ATP7A: variants seen among roughly 807,000 people sequenced by gnomAD.
The protein encoded by ATP7A is ATPase copper transporting alpha.
ATP7A carries 7 observed loss-of-function variants against 83.5 expected under a neutral mutation model. The observed-to-expected ratio is 0.08, with a 90% CI of 0.05 to 0.16. The LOEUF (loss-of-function observed/expected upper bound fraction) is 0.16. ATP7A is among the 10% of genes least tolerant of loss of function. The probability of loss-of-function intolerance (pLI) is 1.00; values close to 1 mark genes in which losing one functional copy is unlikely to be tolerated. For synonymous variants in ATP7A, 354 were observed against 395.2 expected (o/e 0.90, Z 1.24); for missense variants, 940 against 1,120.8 (o/e 0.84, Z 2.30).
At position 78,043,451 on chromosome X, in the gene ATP7A, T is replaced by G. The variant is rs375335733; in HGVS notation, c.4123+17T>G. 9.9e-6 allele frequency: 11 copies of G among 1,113,213 alleles called. No homozygotes were observed. The African/African-American group carries it at 1.8e-4, about 18-fold the overall frequency. 91.7% of individuals were successfully genotyped at this position (1,113,213 alleles called of 1,213,427 possible). Reference sequence around the variant, plus strand: ...TAGCTGCTGGTATGTGACTCTTAACTAGTACTGCTTTTTCCACTAAAGTTA... The same window carrying G: ...TAGCTGCTGGTATGTGACTCTTAACGAGTACTGCTTTTTCCACTAAAGTTA... On this transcript the variant is annotated intron_variant, in intron 21 of 22. Coordinates refer to ENST00000341514, the MANE Select transcript of ATP7A (RefSeq NM_000052.7).
At position 77,998,504 on chromosome X, in the gene ATP7A, G is replaced by A; in HGVS notation, c.1363G>A (p.Ala455Thr). The change falls in exon 5 of 23, where the codon GCT becomes ACT. Residue 455 changes from alanine (A) to threonine (T), a missense_variant. By Grantham distance (58) the Ala-to-Thr change is moderately conservative. Around this residue, in one of 3 missense-constraint regions of ATP7A, gnomAD observed 350 missense variants for 432.8 expected, o/e 0.81. Coordinates refer to ENST00000341514, the MANE Select transcript of ATP7A (RefSeq NM_000052.7). Reference sequence around the variant, plus strand: ...CACGAATGAGCCGTTGGTAGTAATAGCTCAGCCTTCATCGGAAATGCCGCT... The same window carrying A: ...CACGAATGAGCCGTTGGTAGTAATAACTCAGCCTTCATCGGAAATGCCGCT... The part of the protein sequence containing the change: ...SDTNEPLVVI[A>T]QPSSEMPLLT... The A allele has an allele frequency of 8.3e-7, 1 of 1,211,805 alleles. No individual in the cohort carries two copies. Among genetic ancestry groups the A allele is most frequent in the South Asian group, 1.8e-5 (1 of 57,017 alleles).
At chrX:77,937,887 T>TCA (rs782049494) in intron 1 of ATP7A, among the ~76,000 whole-genome samples, 4,905 of 100,919 alleles carry the variant, frequency 0.049, 132 homozygotes, top group East Asian at 0.11. Context: ...TCTCTCTCTC[T>TCA]CACACACACA....
At chrX:78,013,170 T>A (rs2077839289) in intron 10 of ATP7A, 58 bp downstream of exon 10, 3 of 1,016,493 alleles carry the variant, frequency 3.0e-6, no homozygotes, top group Non-Finnish European at 2.8e-6. Flanking sequence ...GACCTTAGTA[T>A]TTTTTAGGCC....
chrX:77,925,422 G>T (rs1201496991), intron 1 of ATP7A, among the ~76,000 whole-genome samples: 1 of 111,186 alleles, frequency 9.0e-6, no homozygotes, highest in Non-Finnish European at 1.9e-5. Flanking sequence ...CGTGTATAGG[G>T]TTGGTAGTAT....
intron 6 of ATP7A, among the ~76,000 whole-genome samples, chrX:78,006,735 A>G (rs2077778317): frequency 8.9e-6 from 1 of 112,232 alleles, no homozygotes; most frequent in Admixed American, 9.5e-5. Context: ...CATTTCATAT[A>G]AATGGAATAA....
chrX:77,989,319 G>A lies in ATP7A; in HGVS notation c.697G>A (p.Gly233Ser), dbSNP rs1557231753. The change falls in exon 4 of 23, where the codon GGC becomes AGC. Residue 233 changes from glycine to serine, a missense_variant. Coordinates refer to ENST00000341514, the MANE Select transcript of ATP7A (RefSeq NM_000052.7). ...AATGAAAAAGCAGATTGAAGCTATG[G>A]GCTTTCCAGCATTTGTCAAAAAGCA... ...EEMKKQIEAM[G>S]FPAFVKKQPK... The A allele has an allele frequency of 8.3e-7, 1 of 1,211,040 alleles. No individual in the cohort carries two copies. The highest frequency in any genetic ancestry group is 2.2e-5 in the Admixed American group (1 of 45,872).
At chrX:78,029,023 T>A (rs1256104051) in intron 14 of ATP7A, among the ~76,000 whole-genome samples, 1 of 112,384 alleles carries the variant, frequency 8.9e-6, no homozygotes, top group Non-Finnish European at 1.9e-5. Context: ...GGAGCACTTA[T>A]ATTCAGTCCA....
At chrX:77,949,058 A>G (rs2077399433) in intron 1 of ATP7A, among the ~76,000 whole-genome samples, 2 of 110,095 alleles carry the variant, frequency 1.8e-5, no homozygotes, top group African/African-American at 6.6e-5. Context: ...CACTCAGCTC[A>G]TTGTTTGTAT....
intron 19 of ATP7A, 63 bp from the exon 20 acceptor site, chrX:78,042,522 G>A: frequency 9.2e-7 from 1 of 1,086,279 alleles, no homozygotes; most frequent in Non-Finnish European, 1.3e-6. Context: ...GCTTGTTATT[G>A]CTCAGTTATG....
In ATP7A at chrX:77,988,530, A is replaced by C; in HGVS notation, c.409A>C (p.Asn137His). The C allele has an allele frequency of 6.6e-6, 8 of 1,211,496 alleles. No individual in the cohort carries two copies. The highest frequency in any genetic ancestry group is 8.9e-6 in the Non-Finnish European group (8 of 895,309). ...AATAATCCCTTCTATAGTGAATGCC[A>C]ATCAGATAAAAGAGCTGGTTCCAGA... ...VTIIPSIVNANQIKELVPELS... is the reference protein window; with the variant it reads ...VTIIPSIVNAHQIKELVPELS... Residue 137 changes from asparagine (N) to histidine (H), a missense_variant, in exon 3 of 23, where the codon AAT becomes CAT. Transcript: ENST00000341514.
At chrX:78,026,858 A>C (rs186392485) in intron 14 of ATP7A, among the ~76,000 whole-genome samples, 1 of 111,826 alleles carries the variant, frequency 8.9e-6, no homozygotes, top group African/African-American at 3.2e-5. Flanking sequence ...AATGAAGTTA[A>C]TGCATTTCGG....
intron 1 of ATP7A, among the ~76,000 whole-genome samples, chrX:77,934,534 A>C (rs1557224880): frequency 3.6e-5 from 4 of 111,622 alleles, no homozygotes; most frequent in Non-Finnish European, 7.5e-5. Flanking sequence ...TTATGAATGC[A>C]CGCAGGTACA....
chrX:77,986,364 G>A (rs1369694040), intron 2 of ATP7A, among the ~76,000 whole-genome samples: 2 of 112,397 alleles, frequency 1.8e-5, no homozygotes, highest in Non-Finnish European at 3.8e-5. Flanking sequence ...TTTCTATGCT[G>A]AATTACTTTT....
At chrX:77,934,530 A>G (rs1179009305) in intron 1 of ATP7A, among the ~76,000 whole-genome samples, 1 of 111,615 alleles carries the variant, frequency 9.0e-6, no homozygotes, top group African/African-American at 3.3e-5. Context: ...TCTGTTATGA[A>G]TGCACGCAGG....
chrX:77,932,222 A>C (rs1299245484), intron 1 of ATP7A, among the ~76,000 whole-genome samples: 1 of 103,901 alleles, frequency 9.6e-6, no homozygotes, highest in African/African-American at 3.7e-5. Context: ...CTCACCTCCC[A>C]GACGGGGTCG....
At chrX:78,010,848 G>A (rs374949339) in intron 7 of ATP7A, among the ~76,000 whole-genome samples, 6 of 110,245 alleles carry the variant, frequency 5.4e-5, no homozygotes, top group Non-Finnish European at 1.1e-4. Flanking sequence ...CAAAGTGCTG[G>A]GATTACAGGC....
intron 15 of ATP7A, 33 bp downstream of exon 15, chrX:78,029,477 A>G (rs2077969215): frequency 1.7e-6 from 2 of 1,158,303 alleles, no homozygotes; most frequent in Non-Finnish European, 2.4e-6. Flanking sequence ...AACCTGTACC[A>G]CCAAACTATC....
intron 17 of ATP7A, among the ~76,000 whole-genome samples, chrX:78,037,936 G>A (rs1303006200): frequency 9.8e-6 from 1 of 101,662 alleles, no homozygotes; most frequent in African/African-American, 3.6e-5. Flanking sequence ...ATGTACAGAA[G>A]CAGATAAATG....
intron 21 of ATP7A, among the ~76,000 whole-genome samples, chrX:78,043,998 T>G (rs1255559222): frequency 9.4e-6 from 1 of 106,622 alleles, no homozygotes; most frequent in Non-Finnish European, 1.9e-5. Context: ...TTGACACCTG[T>G]AATCCCAGCA....
Sources: gnomAD v4.1 joint callset for allele counts (sites outside exome capture counted in the v4.1 genomes callset) on GRCh38, gnomAD v4.1.1 for gene constraint, gnomAD v4.1.1 regional missense constraint, MANE v1.5 for transcripts, NCBI Gene and HGNC (gene_info 2026-07-23, HGNC 2026-07-21) for gene names.